The following CNTN4 variants were observed in gnomAD, a reference collection of about 807,000 sequenced individuals.
The protein encoded by CNTN4 is contactin 4, also known as contactin-4.
A neutral mutation model predicts 122.5 loss-of-function variants in CNTN4; 77 were observed. That is an observed-to-expected ratio of 0.63 (90% CI 0.52 to 0.76). The LOEUF (loss-of-function observed/expected upper bound fraction) is 0.76, where lower values mean the gene tolerates loss of function less well. CNTN4 is among the 30% of genes least tolerant of loss of function. The pLI, the probability that CNTN4 is intolerant of heterozygous loss-of-function variation, is 0.00. For synonymous variants in CNTN4, 512 were observed against 447.0 expected (o/e 1.15, Z -1.83); for missense variants, 1,256 against 1,259.1 (o/e 1.00, Z 0.04).
At chr3:2,552,790 A>C (rs2078564487) in intron 3 of CNTN4, among the ~76,000 whole-genome samples, 3 of 152,190 alleles carry the variant, frequency 2.0e-5, no homozygotes, top group African/African-American at 7.2e-5. Flanking sequence ...TGGAAAAACC[A>C]ATTTGATGGA....
intron 6 of CNTN4, among the ~76,000 whole-genome samples, chr3:2,796,986 G>A (rs2092205444): frequency 6.6e-6 from 1 of 152,006 alleles, no homozygotes. Context: ...TTCTGCTCCT[G>A]CCCAATGTTT....
At chr3:2,644,633 G>GGGTC (rs1202929721) in intron 4 of CNTN4, among the ~76,000 whole-genome samples, 1 of 150,814 alleles carries the variant, frequency 6.6e-6, no homozygotes, top group African/African-American at 2.4e-5. Context: ...GATTTCCTAA[G>GGGTC]TGAGTCCATG....
At chr3:2,668,039 T>G (rs905521673) in intron 4 of CNTN4, among the ~76,000 whole-genome samples, 7 of 152,172 alleles carry the variant, frequency 4.6e-5, no homozygotes, top group African/African-American at 7.2e-5. Context: ...GCCTCCAGCT[T>G]TGTTCTTTTG....
chr3:2,319,731 C>CT (rs1305395665), intron 2 of CNTN4, among the ~76,000 whole-genome samples: 1 of 152,062 alleles, frequency 6.6e-6, no homozygotes, highest in African/African-American at 2.4e-5. Context: ...GAATAGTTGG[C>CT]TATTAAAGTT....
At chr3:2,921,612 C>A (rs536071145) in intron 12 of CNTN4, among the ~76,000 whole-genome samples, 2 of 152,132 alleles carry the variant, frequency 1.3e-5, no homozygotes, top group Admixed American at 6.5e-5. Context: ...AAAAAGCTGG[C>A]CTTAATATTC....
chr3:2,842,294 G>A (rs561551677), intron 7 of CNTN4, among the ~76,000 whole-genome samples: 1 of 152,206 alleles, frequency 6.6e-6, no homozygotes, highest in South Asian at 2.1e-4. Flanking sequence ...CTGTGGTGGT[G>A]GATTCTTTGT....
intron 2 of CNTN4, among the ~76,000 whole-genome samples, chr3:2,101,688 GACA>G (rs2031973842): frequency 6.6e-6 from 1 of 151,978 alleles, no homozygotes; most frequent in African/African-American, 2.4e-5. Flanking sequence ...GAAGAAATCT[GACA>G]ACATATCAAT....
At position 2,428,432 on chromosome 3, in the gene CNTN4, C is replaced by G. The variant is rs1025376380; in HGVS notation, c.-89+89199C>G. 3.0e-4 allele frequency among the ~76,000 whole-genome samples: 46 copies of G among 152,284 alleles called. 2 individuals are homozygous for G. In the Middle Eastern group the frequency reaches 0.017, roughly 56 times the overall value. On this transcript the variant is annotated intron_variant, in intron 3 of 24. Transcript: ENST00000418658. ...CTCTTCTGGCTTGTAGAGTTTCTGC[C>G]GAGAGATCAGCTGTTAGTCTGATGG...
rs563463114 is a variant in CNTN4 at position 2,664,683 on chromosome 3, G to T, written c.56-71532G>T. ...TTTTACATTTAAATTCACATCTGAG[G>T]TATTCTCCAGGTTTTCTTGGAACTG... On this transcript the variant is annotated intron_variant, in intron 4 of 24. Transcript: ENST00000418658. Among the ~76,000 whole-genome samples, 38 of 152,200 alleles carry T rather than the reference G, an allele frequency of 2.5e-4. No individual in the cohort carries two copies. In the East Asian group the frequency reaches 3.5e-3, roughly 14 times the overall value.
chr3:2,870,435 G>T (rs1325710873), intron 8 of CNTN4, among the ~76,000 whole-genome samples: 1 of 152,038 alleles, frequency 6.6e-6, no homozygotes, highest in Non-Finnish European at 1.5e-5. Flanking sequence ...CACAAAATAG[G>T]TTATTAAATT....
chr3:2,922,466 C>T (rs1383169284), intron 12 of CNTN4, among the ~76,000 whole-genome samples: 1 of 152,002 alleles, frequency 6.6e-6, no homozygotes, highest in Non-Finnish European at 1.5e-5. Context: ...CCATTAATAG[C>T]TCAAGTATTC....
chr3:2,204,808 C>G (rs547062077), intron 2 of CNTN4, among the ~76,000 whole-genome samples: 1 of 152,204 alleles, frequency 6.6e-6, no homozygotes, highest in East Asian at 1.9e-4. Context: ...CCTGAAGAAC[C>G]ACTTGGAGTT....
intron 3 of CNTN4, among the ~76,000 whole-genome samples, chr3:2,554,685 G>A (rs530627277): frequency 6.6e-6 from 1 of 152,202 alleles, no homozygotes; most frequent in South Asian, 2.1e-4. Flanking sequence ...GCAGTCATAG[G>A]CAATGCCAAA....
chr3:2,286,898 T>C (rs1559414395), intron 2 of CNTN4, among the ~76,000 whole-genome samples: 1 of 152,206 alleles, frequency 6.6e-6, no homozygotes. Flanking sequence ...TATATACAAA[T>C]GCTAGATGAG....
chr3:2,710,853 C>T (rs150381917), intron 4 of CNTN4, among the ~76,000 whole-genome samples: 1 of 152,320 alleles, frequency 6.6e-6, no homozygotes, highest in East Asian at 1.9e-4. Context: ...ATACACTCCA[C>T]AGGAAGTTGT....
chr3:2,843,558 A>T (rs2093401988), intron 7 of CNTN4, among the ~76,000 whole-genome samples: 1 of 152,176 alleles, frequency 6.6e-6, no homozygotes, highest in African/African-American at 2.4e-5. Context: ...GTGGGAGGTG[A>T]TTGGATCATG....
chr3:2,700,029 C>T (rs1287998715), intron 4 of CNTN4, among the ~76,000 whole-genome samples: 4 of 151,992 alleles, frequency 2.6e-5, no homozygotes, highest in South Asian at 2.1e-4. Flanking sequence ...GAACATGAAC[C>T]TGTCCTTCTG....
intron 12 of CNTN4, among the ~76,000 whole-genome samples, chr3:2,915,353 A>T (rs529578741): frequency 6.6e-6 from 1 of 152,378 alleles, no homozygotes; most frequent in South Asian, 2.1e-4. Context: ...GGCATGAGCC[A>T]CTGTGCCTGC....
At chr3:2,903,734 T>C (rs564557735) in intron 12 of CNTN4, among the ~76,000 whole-genome samples, 1 of 152,336 alleles carries the variant, frequency 6.6e-6, no homozygotes, top group Admixed American at 6.5e-5. Flanking sequence ...ATGCCACAGT[T>C]ACAGTTTACA....
Sources: gnomAD v4.1 joint callset for allele counts (sites outside exome capture counted in the v4.1 genomes callset) on GRCh38, gnomAD v4.1.1 for gene constraint, MANE v1.5 for transcripts, NCBI Gene and HGNC (gene_info 2026-07-23, HGNC 2026-07-21) for gene names.